Variants in RARB observed in about 807,000 individuals in gnomAD.
RARB encodes HBV-activated protein.
A neutral mutation model predicts 51.9 loss-of-function variants in RARB; 17 were observed. That is an observed-to-expected ratio of 0.33 (90% confidence interval 0.22 to 0.49). The LOEUF is 0.49. Ranked by LOEUF, RARB falls within the 20% of genes least tolerant of loss-of-function variation. The pLI is 0.99. For missense variants in RARB, 369 were observed against 550.8 expected (o/e 0.67, Z 3.30); for synonymous variants, 215 against 195.4 (o/e 1.10, Z -0.84).
At chr3:25,401,926 G>A (rs1454470265) in intron 5 of RARB, among the ~76,000 whole-genome samples, 2 of 152,006 alleles carry the variant, frequency 1.3e-5, no homozygotes, top group South Asian at 2.1e-4. Flanking sequence ...ATAGGTGTGC[G>A]CCACCAAGCT....
intron 2 of RARB, among the ~76,000 whole-genome samples, chr3:25,027,973 G>A (rs1251967952): frequency 1.3e-5 from 1 of 79,790 alleles, no homozygotes; most frequent in African/African-American, 4.3e-5. Flanking sequence ...TTGGCTCATG[G>A]ATTTTTTTTT....
intron 2 of RARB, among the ~76,000 whole-genome samples, chr3:25,468,421 C>T (rs1695541044): frequency 1.5e-5 from 2 of 137,214 alleles, no homozygotes; most frequent in East Asian, 2.3e-4. Context: ...TTATTTCTCA[C>T]AACAGCTCTG....
intron 5 of RARB, among the ~76,000 whole-genome samples, chr3:25,244,694 T>A (rs1367859823): frequency 1.3e-5 from 2 of 152,176 alleles, no homozygotes; most frequent in Non-Finnish European, 2.9e-5. Flanking sequence ...TTATGATTTC[T>A]CTTCTTTTGC....
intron 5 of RARB, among the ~76,000 whole-genome samples, chr3:25,382,540 A>G (rs1012414793): frequency 1.3e-5 from 2 of 152,172 alleles, no homozygotes; most frequent in Non-Finnish European, 2.9e-5. Context: ...ATGGCAGAGG[A>G]TTACGTATAC....
At chr3:25,114,702 C>T (rs1002725541) in intron 3 of RARB, among the ~76,000 whole-genome samples, 1 of 152,092 alleles carries the variant, frequency 6.6e-6, no homozygotes, top group Non-Finnish European at 1.5e-5. Flanking sequence ...ATGTAAGGAT[C>T]CTTGGAGGAA....
chr3:25,164,675 G>C (rs138057010), intron 4 of RARB, among the ~76,000 whole-genome samples: 1 of 151,890 alleles, frequency 6.6e-6, no homozygotes, highest in East Asian at 1.9e-4. Flanking sequence ...TGCTACTTTG[G>C]GGACCCTATT....
chr3:25,418,630 T>C (rs1412874582), intron 5 of RARB, among the ~76,000 whole-genome samples: 4 of 151,966 alleles, frequency 2.6e-5, no homozygotes, highest in Admixed American at 2.6e-4. Context: ...AAAATGACAC[T>C]TGTTAAAGGT....
At chr3:25,255,053 T>C (rs2125403908) in intron 5 of RARB, among the ~76,000 whole-genome samples, 1 of 152,272 alleles carries the variant, frequency 6.6e-6, no homozygotes, top group East Asian at 1.9e-4. Flanking sequence ...CTGCTCCCAA[T>C]ATTGGCCAAA....
intron 5 of RARB, among the ~76,000 whole-genome samples, chr3:25,397,987 T>C (rs1707162055): frequency 1.3e-5 from 2 of 152,270 alleles, no homozygotes; most frequent in African/African-American, 4.8e-5. Flanking sequence ...ATTTTTCCTA[T>C]AGTCTTTAAA....
intron 5 of RARB, among the ~76,000 whole-genome samples, chr3:25,258,285 T>C (rs972613338): frequency 5.9e-5 from 9 of 152,148 alleles, no homozygotes; most frequent in Non-Finnish European, 1.3e-4. Flanking sequence ...GGTAAACTTA[T>C]TACACAAGTA....
chr3:25,189,953 C>A (rs2125362767), intron 5 of RARB, among the ~76,000 whole-genome samples: 1 of 152,178 alleles, frequency 6.6e-6, no homozygotes, highest in African/African-American at 2.4e-5. Flanking sequence ...ATAAACTCCT[C>A]ACCTTTCCTT....
intron 1 of RARB, among the ~76,000 whole-genome samples, chr3:25,456,874 A>G (rs1458921893): frequency 6.6e-6 from 1 of 151,770 alleles, no homozygotes; most frequent in African/African-American, 2.4e-5. Flanking sequence ...AATTATAAAA[A>G]CAGTAGAAAG....
chr3:24,884,029 G>T (rs1703226949), intron 2 of RARB, among the ~76,000 whole-genome samples: 1 of 151,976 alleles, frequency 6.6e-6, no homozygotes. Context: ...ATACTTTCTT[G>T]GTTTCCTGAC....
chr3:24,933,807 T>C (rs13079819), intron 2 of RARB, among the ~76,000 whole-genome samples: 16,698 of 152,132 alleles, frequency 0.11, 1,240 homozygotes, highest in Non-Finnish European at 0.16. Flanking sequence ...ATCTTTGTTT[T>C]GTAGTGTGTA....
At chr3:25,449,991 A>T (rs918919924) in intron 1 of RARB, among the ~76,000 whole-genome samples, 1 of 151,788 alleles carries the variant, frequency 6.6e-6, no homozygotes, top group African/African-American at 2.4e-5. Context: ...TCCTCAAGTG[A>T]TCCACCCGCC....
At chr3:25,331,737 C>G (rs141912220) in intron 5 of RARB, among the ~76,000 whole-genome samples, 5,961 of 152,120 alleles carry the variant, frequency 0.039, 161 homozygotes, top group Middle Eastern at 0.065. Flanking sequence ...AATCCAGGAG[C>G]TGGTTTTTTG....
At chr3:25,533,192 A>C (rs1192293476) in intron 3 of RARB, among the ~76,000 whole-genome samples, 2 of 152,206 alleles carry the variant, frequency 1.3e-5, no homozygotes, top group East Asian at 3.8e-4. Flanking sequence ...TTTTATGGGA[A>C]GGGGACACAT....
At chr3:24,920,732 C>G (rs1490719835) in intron 2 of RARB, among the ~76,000 whole-genome samples, 1 of 152,146 alleles carries the variant, frequency 6.6e-6, no homozygotes, top group African/African-American at 2.4e-5. Context: ...GTCCTCAGTT[C>G]CACAAGTCTT....
At chr3:24,985,281 C>A (rs2125429329) in intron 2 of RARB, among the ~76,000 whole-genome samples, 1 of 152,102 alleles carries the variant, frequency 6.6e-6, no homozygotes, top group East Asian at 1.9e-4. Flanking sequence ...CATCTTGAGA[C>A]CTTAAGAGCA....
Sources: allele counts gnomAD v4.1 joint callset (sites outside exome capture counted in the v4.1 genomes callset), GRCh38; gene constraint gnomAD v4.1.1; transcripts MANE v1.5; gene names NCBI Gene and HGNC (gene_info 2026-07-23, HGNC 2026-07-21).